The following CRAMP1 variants were observed in gnomAD, a reference collection of about 807,000 sequenced individuals.
The protein encoded by CRAMP1 is protein cramped-like.
A neutral mutation model predicts 115.4 loss-of-function variants in CRAMP1; 50 were observed. The ratio of observed to expected loss-of-function variants is 0.43; its 90% CI spans 0.35 to 0.55. CRAMP1 has a LOEUF of 0.55. Among genes scored for constraint, CRAMP1 ranks in the 20% least tolerant of loss-of-function variants. The pLI is 0.01. For missense variants in CRAMP1, 1,679 were observed against 1,721.7 expected (o/e 0.98, Z 0.44); for synonymous variants, 866 against 745.4 (o/e 1.16, Z -2.64).
chr16:1,653,221 T>C (rs541553319), intron 8 of CRAMP1, 65 bp downstream of exon 8: 25 of 1,550,260 alleles, frequency 1.6e-5, no homozygotes, highest in Non-Finnish European at 2.1e-5. Flanking sequence ...GCAACGTGTG[T>C]GAGTTTCCCT....
At chr16:1,665,662 T>TC in intron 14 of CRAMP1, 1 of 226,162 alleles carries the variant, frequency 4.4e-6, no homozygotes, top group Non-Finnish European at 8.8e-6. Flanking sequence ...AATTGCTTTT[T>TC]CTCTTGCCTA....
intron 1 of CRAMP1, among the ~76,000 whole-genome samples, chr16:1,613,881 A>G (rs1432013743): frequency 1.3e-5 from 2 of 151,938 alleles, no homozygotes. Context: ...CACATTTCCC[A>G]CCCTGGGAAG....
chr16:1,673,864 G>C lies in CRAMP1; in HGVS notation c.3646-17G>C, dbSNP rs781410054. On this transcript the variant is annotated splice_polypyrimidine_tract_variant and intron_variant, in intron 20 of 20. Transcript: ENST00000397412. The stretch of plus-strand genomic sequence containing the variant: ...CAGGTCGCGGTGACTTGTTCTTCCT[G>C]TCTCCTCTTCCTGCAGGTTGTGGAT... 1 of 1,613,416 alleles carries C rather than the reference G, an allele frequency of 6.2e-7. No homozygotes were observed. Among genetic ancestry groups the C allele is most frequent in the Non-Finnish European group, 8.5e-7 (1 of 1,179,610 alleles).
At chr16:1,618,318 C>T (rs187205501) in intron 2 of CRAMP1, among the ~76,000 whole-genome samples, 9 of 152,260 alleles carry the variant, frequency 5.9e-5, no homozygotes, top group African/African-American at 1.9e-4. Flanking sequence ...AAACACCTGC[C>T]TTAAGTCACA....
Position 1,656,712 on chromosome 16 carries a change from C to T in CRAMP1, c.1955C>T (p.Ser652Phe), listed in dbSNP as rs1335880575. The T allele has an allele frequency of 3.2e-6, 5 of 1,554,766 alleles. No homozygotes were observed. Among genetic ancestry groups the T allele is most frequent in the Non-Finnish European group, 4.3e-6 (5 of 1,149,852 alleles). ...GGGAGCCCCGCGGGGCCTCCGCCGTCTCAGGGACAGCCTGCCGCCAGGCCC... is the reference window on the plus strand; with the variant it reads ...GGGAGCCCCGCGGGGCCTCCGCCGTTTCAGGGACAGCCTGCCGCCAGGCCC... ...EKGSPAGPPP[S>F]QGQPAARPPK... The change falls in exon 10 of 21, where the codon TCT becomes TTT. Residue 652 changes from serine to phenylalanine, a missense_variant. By Grantham distance (155) the Ser-to-Phe change is radical. Coordinates refer to ENST00000397412, the MANE Select transcript of CRAMP1 (RefSeq NM_020825.4). This position sits in a 1 kb window ranked among gnomAD's most constrained non-coding sequence, Gnocchi z 5.6.
chr16:1,655,989 G>A lies in CRAMP1; in HGVS notation c.1232G>A (p.Gly411Asp), dbSNP rs867773792. ...AACTGTACACTGACACCGCTGCCGG[G>A]CGTGGCTCGCGTGGTGCACTCCAAG... ...GENCTLTPLP[G>D]VARVVHSKAF... Residue 411 changes from glycine to aspartate, a missense_variant, in exon 10 of 21, where the codon GGC becomes GAC. Gly to Asp is a moderately conservative substitution (Grantham distance 94). Transcript: ENST00000397412. 6.2e-7 allele frequency: 1 copy of A among 1,612,956 alleles called. No homozygotes were observed. The highest frequency in any genetic ancestry group is 2.2e-5 in the East Asian group (1 of 44,878).
intron 1 of CRAMP1, among the ~76,000 whole-genome samples, 82 bp downstream of exon 1, chr16:1,612,739 G>A (rs1310312955): frequency 2.0e-5 from 3 of 152,130 alleles, no homozygotes; most frequent in Admixed American, 6.5e-5. Flanking sequence ...AGCGCGGGGG[G>A]GGCGTCGCTT....
At chr16:1,659,484 A>G (rs907277004) in intron 10 of CRAMP1, among the ~76,000 whole-genome samples, 1 of 151,802 alleles carries the variant, frequency 6.6e-6, no homozygotes, top group Non-Finnish European at 1.5e-5. Context: ...TCCACCTCCC[A>G]GGTTCACACC....
intron 4 of CRAMP1, among the ~76,000 whole-genome samples, chr16:1,637,198 G>A (rs1183787878): frequency 6.6e-6 from 1 of 152,130 alleles, no homozygotes; most frequent in Non-Finnish European, 1.5e-5. Context: ...GGAGGCTGAG[G>A]CAGGAGAATC....
chr16:1,662,381 G>A (rs957218141), intron 11 of CRAMP1, 109 bp from the exon 12 acceptor site: 3 of 837,392 alleles, frequency 3.6e-6, no homozygotes, highest in Non-Finnish European at 3.9e-6. Context: ...GCAGCCGAAC[G>A]GGTTGCCAAG....
chr16:1,663,501 T>A (rs977720523), intron 13 of CRAMP1, among the ~76,000 whole-genome samples: 1 of 152,210 alleles, frequency 6.6e-6, no homozygotes, highest in African/African-American at 2.4e-5. Flanking sequence ...TGTTCTTTGT[T>A]CAAACTAAGA....
intron 3 of CRAMP1, among the ~76,000 whole-genome samples, chr16:1,628,524 G>C (rs1209887184): frequency 6.6e-6 from 1 of 152,230 alleles, no homozygotes; most frequent in African/African-American, 2.4e-5. Flanking sequence ...GAAGTGCTGG[G>C]ATTACAGGCA....
chr16:1,672,656 TCA>T lies in CRAMP1; in HGVS notation c.3646-1222_3646-1221del, dbSNP rs2036931401. On this transcript the variant is annotated intron_variant, in intron 20 of 20. Coordinates refer to ENST00000397412, the MANE Select transcript of CRAMP1 (RefSeq NM_020825.4). This position sits in a 1 kb window ranked among gnomAD's most constrained non-coding sequence, Gnocchi z 4.9. ...TCAGAATTTTCCAGACTTCTTGCAT[TCA>T]CAGTGTCATGCAGTTCATTAAGGGA... Among the ~76,000 whole-genome samples the T allele has an allele frequency of 2.6e-5, 4 of 152,236 alleles. No homozygotes were observed. The highest frequency in any genetic ancestry group is 4.4e-5 in the Non-Finnish European group (3 of 68,046).
intron 8 of CRAMP1, among the ~76,000 whole-genome samples, 196 bp from the exon 9 acceptor site, chr16:1,655,023 C>T (rs1056085245): frequency 1.3e-5 from 2 of 152,234 alleles, no homozygotes; most frequent in Non-Finnish European, 2.9e-5. Flanking sequence ...CTGTGTGAAT[C>T]TCTGGCCATC....
chr16:1,668,979 G>A, intron 18 of CRAMP1, 22 bp from the exon 19 acceptor site: 1 of 1,612,484 alleles, frequency 6.2e-7, no homozygotes, highest in Non-Finnish European at 8.5e-7. Context: ...AGGCGTTTCT[G>A]ATCTGGGATC....
chr16:1,666,680 C>G lies in CRAMP1; in HGVS notation c.3036+80C>G. Reference sequence around the variant, plus strand: ...CCAAAGCCATGGGGCTGAGATCACGCTGGACTCCAGCTCTGCCTTTGGAGG... The same window carrying G: ...CCAAAGCCATGGGGCTGAGATCACGGTGGACTCCAGCTCTGCCTTTGGAGG... On this transcript the variant is annotated intron_variant, in intron 16 of 20. Transcript: ENST00000397412. This position sits in a 1 kb window ranked among gnomAD's most constrained non-coding sequence, Gnocchi z 5.0. 1 of 1,319,042 alleles carries G rather than the reference C, an allele frequency of 7.6e-7. No individual in the cohort carries two copies. Among genetic ancestry groups the G allele is most frequent in the Non-Finnish European group, 1.1e-6 (1 of 928,138 alleles). 81.7% of individuals were successfully genotyped at this position (1,319,042 alleles called of 1,614,324 possible). A position where few individuals can be genotyped will look rare whatever the true frequency, so the allele number is the denominator to read the frequency against.
chr16:1,649,335 A>AGTGG (rs1424337931), intron 6 of CRAMP1, among the ~76,000 whole-genome samples: 1 of 152,092 alleles, frequency 6.6e-6, no homozygotes, highest in Non-Finnish European at 1.5e-5. Flanking sequence ...TGGACACATG[A>AGTGG]GTGGGTGGGT....
intron 5 of CRAMP1, among the ~76,000 whole-genome samples, 177 bp from the exon 6 acceptor site, chr16:1,640,962 C>G (rs1300437315): frequency 2.0e-5 from 3 of 152,154 alleles, no homozygotes; most frequent in Non-Finnish European, 4.4e-5. Flanking sequence ...GGGCAGCTGA[C>G]TCGAAGGTGT....
intron 11 of CRAMP1, 116 bp downstream of exon 11, chr16:1,660,179 C>A: frequency 1.2e-6 from 1 of 817,686 alleles, no homozygotes; most frequent in Non-Finnish European, 1.8e-6. Context: ...CCCCACTGGC[C>A]AGCTCGCCAC....
Sources: gnomAD v4.1 joint callset for allele counts (sites outside exome capture counted in the v4.1 genomes callset) on GRCh38, gnomAD v4.1.1 for gene constraint, Gnocchi (gnomAD v3.1) non-coding constraint, MANE v1.5 for transcripts, NCBI Gene and HGNC (gene_info 2026-07-23, HGNC 2026-07-21) for gene names.